The following UBE2D2 variants were observed in gnomAD, a reference collection of about 807,000 sequenced individuals.
The protein encoded by UBE2D2 is ubiquitin conjugating enzyme E2 D2, also known as ubiquitin-conjugating enzyme E2 D2.
UBE2D2 carries 2 observed loss-of-function variants against 24.2 expected under a neutral mutation model. That is an observed-to-expected ratio of 0.08 (90% CI 0.03 to 0.26). UBE2D2 has a LOEUF of 0.26. UBE2D2 is among the 10% of genes least tolerant of loss of function. The pLI, the probability that UBE2D2 is intolerant of heterozygous loss-of-function variation, is 1.00. For missense variants in UBE2D2, 44 were observed against 177.6 expected, an observed-to-expected ratio of 0.25 and a Z score of 4.28; for synonymous variants, 58 against 56.5, an observed-to-expected ratio of 1.03 and a Z score of -0.12.
At chr5:139,577,566 A>G (rs957697092) in intron 1 of UBE2D2, among the ~76,000 whole-genome samples, 9 of 151,842 alleles carry the variant, frequency 5.9e-5, no homozygotes, top group African/African-American at 1.9e-4. Context: ...GGTGCATGCC[A>G]CCACGTCTGG....
Position 139,626,961 on chromosome 5 carries a change from T to C in UBE2D2, c.*160T>C, listed in dbSNP as rs1754643214. On this transcript the variant is annotated 3_prime_UTR_variant, in exon 7 of 7. Coordinates refer to ENST00000398733, the MANE Select transcript of UBE2D2 (RefSeq NM_003339.3). ...AGCAGTGCTGCGTGTTGTACATACT[T>C]GGAACAACAAACTAGAAATACTGTA... 1.7e-6 allele frequency: 1 copy of C among 596,596 alleles called. No homozygotes were observed. 37.0% of individuals were successfully genotyped at this position (596,596 alleles called of 1,614,324 possible).
intron 5 of UBE2D2, among the ~76,000 whole-genome samples, chr5:139,618,448 C>G (rs1402099220): frequency 6.6e-6 from 1 of 152,182 alleles, no homozygotes; most frequent in Non-Finnish European, 1.5e-5. Context: ...GGCCCCCTTA[C>G]AATTCAAGAG....
At chr5:139,574,137 A>G (rs1753415748) in intron 1 of UBE2D2, among the ~76,000 whole-genome samples, 2 of 143,382 alleles carry the variant, frequency 1.4e-5, no homozygotes, top group Admixed American at 7.0e-5. Context: ...CTGGAGTGCT[A>G]TGGCGTGGTG....
At position 139,561,623 on chromosome 5, in the gene UBE2D2, C is replaced by T; in HGVS notation, c.-169C>T. On this transcript the variant is annotated 5_prime_UTR_variant, in exon 1 of 7. Coordinates refer to ENST00000398733, the MANE Select transcript of UBE2D2 (RefSeq NM_003339.3). Reference sequence around the variant, plus strand: ...GTGACCGCTGCGGCAGGCCCAGGAGCTGAGTGGGCCCCGGCCCTCAGCCCG... The same window carrying T: ...GTGACCGCTGCGGCAGGCCCAGGAGTTGAGTGGGCCCCGGCCCTCAGCCCG... 1 of 490,166 alleles carries T rather than the reference C, an allele frequency of 2.0e-6. No homozygotes were observed. The highest frequency in any genetic ancestry group is 3.5e-6 in the Non-Finnish European group (1 of 284,632). 30.4% of individuals were successfully genotyped at this position (490,166 alleles called of 1,614,324 possible).
chr5:139,587,636 G>A (rs1010015720), intron 1 of UBE2D2, among the ~76,000 whole-genome samples: 7 of 137,392 alleles, frequency 5.1e-5, no homozygotes, highest in African/African-American at 1.9e-4. Flanking sequence ...TCGCGCCACT[G>A]CACTCCAGCC....
intron 6 of UBE2D2, among the ~76,000 whole-genome samples, chr5:139,626,228 C>T (rs909943268): frequency 3.9e-5 from 6 of 152,084 alleles, no homozygotes; most frequent in Non-Finnish European, 2.9e-5. Context: ...GCCACCACAC[C>T]CTGCTAATTT....
chr5:139,556,108 T>C (rs1006170862), intron 1 of UBE2D2, among the ~76,000 whole-genome samples: 1 of 151,558 alleles, frequency 6.6e-6, no homozygotes, highest in Non-Finnish European at 1.5e-5. Flanking sequence ...TGGTGGCACA[T>C]GCCTGTAATC....
At chr5:139,609,086 CA>C (rs539562256) in intron 2 of UBE2D2, among the ~76,000 whole-genome samples, 113 of 138,508 alleles carry the variant, frequency 8.2e-4, no homozygotes, top group Middle Eastern at 3.6e-3. Flanking sequence ...GACTCCATCT[CA>C]AAAAAAAAAA....
chr5:139,548,193 A>AAAAAAAAAAAAAAAT lies in UBE2D2; in HGVS notation c.-64+21584_-64+21585insAAAAAAAAAAATAAA. On this transcript the variant is annotated intron_variant, in intron 1 of 6. Coordinates refer to the UBE2D2 transcript ENST00000511725. ...AAAAAAAAAAAAAAAATAAAAAAAA[A>AAAAAAAAAAAAAAAT]AAATAAATAAATAAATAAATAAACG... is the stretch of plus-strand genomic sequence containing the variant. 1.7e-3 allele frequency among the ~76,000 whole-genome samples: 78 copies of AAAAAAAAAAAAAAAT among 47,040 alleles called. 3 individuals are homozygous for AAAAAAAAAAAAAAAT. The highest frequency in any genetic ancestry group is 3.3e-3 in the South Asian group (5 of 1,512). The allele number at this position is 47,040 out of a possible 152,430, so 30.9% of individuals were successfully genotyped here.
chr5:139,528,367 C>T (rs893440386), intron 1 of UBE2D2, among the ~76,000 whole-genome samples: 6 of 152,106 alleles, frequency 3.9e-5, no homozygotes, highest in Non-Finnish European at 5.9e-5. Context: ...AAACTCATGT[C>T]GGCCCCAGCC....
chr5:139,550,945 A>C (rs372822561), intron 1 of UBE2D2, among the ~76,000 whole-genome samples: 6 of 152,146 alleles, frequency 3.9e-5, no homozygotes, highest in African/African-American at 9.7e-5. Context: ...AGAACCCACC[A>C]ATTCCAGATA....
At chr5:139,577,299 A>G (rs1451643445) in intron 1 of UBE2D2, among the ~76,000 whole-genome samples, 2 of 152,108 alleles carry the variant, frequency 1.3e-5, no homozygotes, top group East Asian at 3.8e-4. Flanking sequence ...CAGAGTACTG[A>G]AACTTACCTG....
intron 2 of UBE2D2, among the ~76,000 whole-genome samples, chr5:139,602,993 T>C (rs900668128): frequency 3.9e-5 from 6 of 152,038 alleles, no homozygotes; most frequent in Admixed American, 3.3e-4. Flanking sequence ...TTTAGGTGAG[T>C]GGAGTAGAAA....
chr5:139,567,237 CTA>C (rs1223429517), intron 1 of UBE2D2, among the ~76,000 whole-genome samples: 4 of 151,890 alleles, frequency 2.6e-5, no homozygotes, highest in Non-Finnish European at 4.4e-5. Context: ...GCAGCTGAGA[CTA>C]CAAGCTCGCA....
intron 1 of UBE2D2, among the ~76,000 whole-genome samples, chr5:139,549,704 G>A (rs1470343188): frequency 3.3e-5 from 5 of 152,340 alleles, no homozygotes; most frequent in South Asian, 4.1e-4. Flanking sequence ...CCATCCCATC[G>A]ACCGCCCAAG....
At position 139,606,497 on chromosome 5, in the gene UBE2D2, C is replaced by CCTT. The variant is rs1754204017; in HGVS notation, c.88+6062_88+6063insCTT. ...TAACCTCAAGGCTTCATCCAGAATACTAAAGAGTAATCATTCATCTGTGAA... is the reference window on the plus strand; with the variant it reads ...TAACCTCAAGGCTTCATCCAGAATACCTTTAAAGAGTAATCATTCATCTGTGAA... On this transcript the variant is annotated intron_variant, in intron 2 of 6. Coordinates refer to ENST00000398733, the MANE Select transcript of UBE2D2 (RefSeq NM_003339.3). 2.0e-5 allele frequency among the ~76,000 whole-genome samples: 3 copies of CCTT among 152,088 alleles called. No homozygotes were observed. The South Asian group carries it at 6.2e-4, about 32-fold the overall frequency.
intron 1 of UBE2D2, among the ~76,000 whole-genome samples, chr5:139,589,116 A>C: frequency 6.6e-6 from 1 of 152,094 alleles, no homozygotes; most frequent in East Asian, 1.9e-4. Flanking sequence ...TTCTTAGCAG[A>C]GCGTCTTTGG....
chr5:139,553,008 C>T (rs1368889648), intron 1 of UBE2D2, among the ~76,000 whole-genome samples: 2 of 150,536 alleles, frequency 1.3e-5, no homozygotes, highest in East Asian at 2.0e-4. Flanking sequence ...TAGTAGAGAC[C>T]GGGTTTCTCC....
At chr5:139,604,162 C>T (rs1304996069) in intron 2 of UBE2D2, among the ~76,000 whole-genome samples, 3 of 138,868 alleles carry the variant, frequency 2.2e-5, no homozygotes, top group Non-Finnish European at 4.6e-5. Flanking sequence ...TTTTTTGAGA[C>T]GGAATCTCGC....
Sources: allele counts gnomAD v4.1 joint callset (sites outside exome capture counted in the v4.1 genomes callset), GRCh38; gene constraint gnomAD v4.1.1; transcripts MANE v1.5; gene names NCBI Gene and HGNC (gene_info 2026-07-23, HGNC 2026-07-21).